Variants in TRAK1 observed in about 807,000 individuals in gnomAD.
TRAK1 encodes trafficking kinesin protein 1, also known as trafficking kinesin-binding protein 1.
Under a neutral mutation model 92.1 loss-of-function variants are expected in TRAK1, and 33 were observed. The observed-to-expected ratio is 0.36, with a 90% CI of 0.27 to 0.48. The LOEUF (loss-of-function observed/expected upper bound fraction) is 0.48, where lower values mean the gene tolerates loss of function less well. TRAK1 is among the 20% of genes least tolerant of loss of function. TRAK1 has a pLI of 0.99. For synonymous variants in TRAK1, 521 were observed against 517.3 expected (o/e 1.01, Z -0.10); for missense variants, 1,123 against 1,257.9 (o/e 0.89, Z 1.62).
chr3:42,018,676 T>C (rs777306864), intron 1 of TRAK1, among the ~76,000 whole-genome samples: 1 of 152,240 alleles, frequency 6.6e-6, no homozygotes, highest in Non-Finnish European at 1.5e-5. Context: ...GAGCACTTAT[T>C]GCATTCCTCC....
At chr3:42,160,294 A>G (rs1310817897) in intron 2 of TRAK1, 4 of 1,588,450 alleles carry the variant, frequency 2.5e-6, no homozygotes, top group Non-Finnish European at 3.4e-6. Context: ...TCCTCTGGGT[A>G]GGGGGTCGGG....
chr3:42,015,457 T>A (rs1239150227), intron 1 of TRAK1, among the ~76,000 whole-genome samples: 1 of 152,160 alleles, frequency 6.6e-6, no homozygotes, highest in Non-Finnish European at 1.5e-5. Flanking sequence ...TCTCCTTCTC[T>A]GTGGTCTTGG....
chr3:42,132,455 G>A (rs73066375), intron 2 of TRAK1, among the ~76,000 whole-genome samples: 73,327 of 151,362 alleles, frequency 0.48, 17,992 homozygotes, highest in South Asian at 0.6. Flanking sequence ...GTAGAGACAG[G>A]GTTTTCACCA....
At chr3:42,193,614 A>G (rs1230002723) in intron 8 of TRAK1, among the ~76,000 whole-genome samples, 1 of 152,062 alleles carries the variant, frequency 6.6e-6, no homozygotes, top group Non-Finnish European at 1.5e-5. Flanking sequence ...GAGCTTTGGA[A>G]GATGGGGGTG....
chr3:42,015,279 C>T (rs533084064), intron 1 of TRAK1, among the ~76,000 whole-genome samples: 4 of 152,216 alleles, frequency 2.6e-5, no homozygotes, highest in Non-Finnish European at 5.9e-5. Flanking sequence ...GAGCCCGGCT[C>T]TGGGGGATGC....
chr3:42,129,283 G>A (rs190337295), intron 2 of TRAK1, among the ~76,000 whole-genome samples: 4 of 152,230 alleles, frequency 2.6e-5, no homozygotes, highest in East Asian at 3.9e-4. Flanking sequence ...ATCGATTAGG[G>A]CAGAGGTTCT....
intron 2 of TRAK1, among the ~76,000 whole-genome samples, chr3:42,141,488 G>C (rs78880675): frequency 0.089 from 13,545 of 152,164 alleles, 775 homozygotes; most frequent in East Asian, 0.21. Flanking sequence ...AGCTGTGTTA[G>C]ATTCCTAGGG....
At chr3:42,173,410 A>T (rs1357699702) in intron 2 of TRAK1, among the ~76,000 whole-genome samples, 1 of 152,000 alleles carries the variant, frequency 6.6e-6, no homozygotes, top group East Asian at 1.9e-4. Flanking sequence ...TTATTTTTTC[A>T]CCTTCATTGG....
rs752498415 is a variant in TRAK1, at chr3:42,202,468, C to T, written c.1460C>T (p.Pro487Leu). 22 of 1,488,478 alleles carry T rather than the reference C, an allele frequency of 1.5e-5. No individual in the cohort carries two copies. Among genetic ancestry groups the T allele is most frequent in the South Asian group, 4.3e-5 (3 of 70,228 alleles). The allele number at this position is 1,488,478 out of a possible 1,614,324, so 92.2% of individuals were successfully genotyped here. The change falls in exon 13 of 16, where the codon CCG becomes CTG. Residue 487 changes from proline (P) to leucine (L), a missense_variant. Physicochemically the swap from Pro to Leu is moderately conservative, Grantham distance 98. Around this residue, in one of 3 missense-constraint regions of TRAK1, gnomAD observed 686 missense variants for 747.6 expected, o/e 0.92. Coordinates refer to ENST00000327628, the MANE Select transcript of TRAK1 (RefSeq NM_001042646.3). This position sits in a 1 kb window ranked among gnomAD's most constrained non-coding sequence, Gnocchi z 6.1. Reference protein sequence around the residue: ...NDERSKKPGTPGTPGSHDLET... With the variant: ...NDERSKKPGTLGTPGSHDLET... ...GAGCGGAGTAAGAAGCCGGGGACGC[C>T]GGGCACCCCAGGCTCCCACGACCTG...
intron 1 of TRAK1, among the ~76,000 whole-genome samples, chr3:42,076,216 CTTTTTTTTT>C (rs3073733): frequency 1.6e-5 from 1 of 62,684 alleles, no homozygotes; most frequent in African/African-American, 8.0e-5. Flanking sequence ...GATATTAGAC[CTTTTTTTTT>C]TTTTTTTTTT....
intron 11 of TRAK1, 93 bp downstream of exon 11, chr3:42,199,346 C>A: frequency 8.0e-7 from 1 of 1,248,672 alleles, no homozygotes; most frequent in Non-Finnish European, 1.2e-6. Context: ...GCTCTGGGTA[C>A]CGACAGTGAT....
chr3:42,054,074 T>A (rs1366998167), intron 1 of TRAK1, among the ~76,000 whole-genome samples: 4 of 152,170 alleles, frequency 2.6e-5, no homozygotes, highest in Non-Finnish European at 5.9e-5. Context: ...GTGTTGAGGA[T>A]TCAGGGTAGA....
chr3:42,089,675 A>ACCCCCC (rs3073728), upstream of TRAK1, among the ~76,000 whole-genome samples: 4 of 132,840 alleles, frequency 3.0e-5, no homozygotes, highest in African/African-American at 5.5e-5. Context: ...GCTTTTTGTG[A>ACCCCCC]CCCCCCCCCA....
intron 1 of TRAK1, among the ~76,000 whole-genome samples, chr3:42,038,234 T>C (rs1023983783): frequency 6.6e-6 from 1 of 152,196 alleles, no homozygotes; most frequent in Non-Finnish European, 1.5e-5. Flanking sequence ...TTAAAATCTT[T>C]TAAATTCATC....
intron 1 of TRAK1, among the ~76,000 whole-genome samples, chr3:42,031,868 A>G (rs886652039): frequency 6.6e-6 from 1 of 152,148 alleles, no homozygotes; most frequent in Non-Finnish European, 1.5e-5. Flanking sequence ...GGAGAGTATA[A>G]AAAGATTAAA....
chr3:42,199,060 C>G, intron 10 of TRAK1, 117 bp from the exon 11 acceptor site: 1 of 968,128 alleles, frequency 1.0e-6, no homozygotes, highest in Non-Finnish European at 1.6e-6. Flanking sequence ...GTGGGAAGAC[C>G]GTGAGCTTCT....
intron 1 of TRAK1, among the ~76,000 whole-genome samples, chr3:42,061,322 AC>A (rs966089560): frequency 7.1e-5 from 1 of 14,056 alleles, no homozygotes; most frequent in Non-Finnish European, 1.4e-4. Context: ...CCCCACGCAC[AC>A]CCCCCCATGC....
At chr3:42,200,780 G>A (rs576676764) in intron 11 of TRAK1, 38 bp from the exon 12 acceptor site, 36 of 1,604,384 alleles carry the variant, frequency 2.2e-5, no homozygotes, top group East Asian at 4.5e-5. Flanking sequence ...GGTTGTGCCC[G>A]CATTTGCTCA....
At chr3:42,044,411 CT>C (rs1224530454) in intron 1 of TRAK1, among the ~76,000 whole-genome samples, 6 of 152,242 alleles carry the variant, frequency 3.9e-5, no homozygotes, top group Non-Finnish European at 8.8e-5. Context: ...ATCCACTTGC[CT>C]CGGTCTCCCA....
Sources: allele counts gnomAD v4.1 joint callset (sites outside exome capture counted in the v4.1 genomes callset), GRCh38; gene constraint gnomAD v4.1.1; regional missense constraint gnomAD v4.1.1; non-coding constraint Gnocchi (gnomAD v3.1); transcripts MANE v1.5; gene names NCBI Gene and HGNC (gene_info 2026-07-23, HGNC 2026-07-21).